The following PCLO variants were observed in gnomAD, a reference collection of about 807,000 sequenced individuals.
PCLO encodes protein piccolo.
Under a neutral mutation model 427.5 loss-of-function variants are expected in PCLO, and 82 were observed. That is an observed-to-expected ratio of 0.19 (90% confidence interval 0.16 to 0.23). PCLO has a LOEUF of 0.23. Ranked by LOEUF, PCLO falls within the 10% of genes least tolerant of loss-of-function variation. PCLO has a pLI of 1.00. For synonymous variants in PCLO, 2,357 were observed against 2,155.4 expected (o/e 1.09, Z -2.59); for missense variants, 6,239 against 6,115.9 (o/e 1.02, Z -0.67).
chr7:82,771,541 A>G (rs542001749), intron 22 of PCLO, among the ~76,000 whole-genome samples: 2 of 152,168 alleles, frequency 1.3e-5, no homozygotes, highest in South Asian at 4.1e-4. Context: ...GAAAAATAAC[A>G]TGTAAACTTC....
At position 82,771,766 on chromosome 7, in the gene PCLO, T is replaced by C. The variant is rs548834660; in HGVS notation, c.15008-10273A>G. Among the ~76,000 whole-genome samples the C allele has an allele frequency of 3.9e-5, 6 of 152,146 alleles. No individual in the cohort carries two copies. In the East Asian group the frequency reaches 9.6e-4, roughly 24 times the overall value. ...ATGTGTGTACTCCTAGGCGTGTATA[T>C]ATTGTGGAGACAGGAGTGGTTATTT... On this transcript the variant is annotated intron_variant, in intron 22 of 24. Transcript: ENST00000333891.
chr7:83,019,369 C>G (rs999782462), intron 3 of PCLO, among the ~76,000 whole-genome samples: 2 of 151,302 alleles, frequency 1.3e-5, no homozygotes, highest in African/African-American at 4.8e-5. Context: ...GTATGTAAAG[C>G]TTATATTTAA....
chr7:83,077,679 AG>A (rs553568012), intron 3 of PCLO, among the ~76,000 whole-genome samples: 61 of 152,244 alleles, frequency 4.0e-4, no homozygotes, highest in African/African-American at 1.4e-3. Flanking sequence ...TGTTAGTGCC[AG>A]GAGGCGTTCT....
chr7:83,013,637 C>T (rs921137468), intron 3 of PCLO, among the ~76,000 whole-genome samples: 1 of 152,012 alleles, frequency 6.6e-6, no homozygotes, highest in Non-Finnish European at 1.5e-5. Context: ...GTAGGGTAGC[C>T]CTGAAACTTC....
At chr7:83,083,013 G>A (rs1790141705) in intron 3 of PCLO, among the ~76,000 whole-genome samples, 1 of 151,540 alleles carries the variant, frequency 6.6e-6, no homozygotes, top group Non-Finnish European at 1.5e-5. Context: ...ATAAATCAGT[G>A]GGGACAAAAA....
rs763686994 is a variant in PCLO, at chr7:82,965,837, T to C, written c.3951A>G (p.Ile1317Met). 6.2e-7 allele frequency: 1 copy of C among 1,613,926 alleles called. No homozygotes were observed. The highest frequency in any genetic ancestry group is 1.7e-5 in the Admixed American group (1 of 60,016). ...TGCATGGTGGCTGTGGCTGTTCTTT[T>C]ATTGTTTTGGTTGTCTTATCATCTT... ...PKEDDKTTKT[I>M]KEQPQPPCTA... Residue 1317 changes from isoleucine (I) to methionine (M), a missense_variant, in exon 4 of 25, where the codon ATA becomes ATG. By Grantham distance (10) the Ile-to-Met change is conservative. This residue lies in a region of PCLO where 4,677 missense variants were observed against 4,468.4 expected (regional missense o/e 1.05). Transcript: ENST00000333891.
At chr7:82,852,033 A>G (rs1292277883) in intron 10 of PCLO, among the ~76,000 whole-genome samples, 1 of 152,124 alleles carries the variant, frequency 6.6e-6, no homozygotes, top group African/African-American at 2.4e-5. Context: ...GATGGAAGAA[A>G]GGAAAGAAGA....
At chr7:82,871,154 A>G (rs1462986071) in intron 10 of PCLO, among the ~76,000 whole-genome samples, 1 of 152,002 alleles carries the variant, frequency 6.6e-6, no homozygotes, top group African/African-American at 2.4e-5. Context: ...AGATACCTGC[A>G]CTCCCATGTC....
At chr7:82,875,334 A>G (rs992277369) in intron 10 of PCLO, among the ~76,000 whole-genome samples, 5 of 152,134 alleles carry the variant, frequency 3.3e-5, no homozygotes, top group Non-Finnish European at 7.4e-5. Context: ...TTTATTGAGT[A>G]TAATCTAATG....
At chr7:83,063,391 T>C (rs1789586695) in intron 3 of PCLO, among the ~76,000 whole-genome samples, 1 of 152,082 alleles carries the variant, frequency 6.6e-6, no homozygotes, top group African/African-American at 2.4e-5. Context: ...GACTTGTGAT[T>C]TTTGACTTAA....
chr7:82,832,412 C>T (rs140845488), intron 16 of PCLO, among the ~76,000 whole-genome samples: 2,682 of 151,556 alleles, frequency 0.018, 82 homozygotes, highest in African/African-American at 0.062. Context: ...CCACCATGCC[C>T]GGCTAATTTT....
intron 21 of PCLO, among the ~76,000 whole-genome samples, chr7:82,801,992 GT>G (rs1016209226): frequency 6.6e-6 from 1 of 151,484 alleles, no homozygotes; most frequent in African/African-American, 2.4e-5. Context: ...AGTTATTCCA[GT>G]TTTTTTGGTA....
intron 3 of PCLO, among the ~76,000 whole-genome samples, chr7:83,059,133 T>C (rs1789474906): frequency 6.6e-6 from 1 of 150,494 alleles, no homozygotes. Flanking sequence ...TAGTATATAC[T>C]ATATACTATA....
At position 82,896,053 on chromosome 7, in the gene PCLO, A is replaced by G. The variant is rs146085115; in HGVS notation, c.13528+6598T>C. Among the ~76,000 whole-genome samples, 107 of 152,048 alleles carry G rather than the reference A, an allele frequency of 7.0e-4. 1 individual carries two copies. The highest frequency in any genetic ancestry group is 1.3e-3 in the Non-Finnish European group (89 of 67,880). On this transcript the variant is annotated intron_variant, in intron 9 of 24. Coordinates refer to ENST00000333891, the MANE Select transcript of PCLO (RefSeq NM_033026.6). Reference sequence around the variant, plus strand: ...ATATCCACAAACAATTACTTAACAAAGCAAAGTAAATCATGAAAAATTGCT... The same window carrying G: ...ATATCCACAAACAATTACTTAACAAGGCAAAGTAAATCATGAAAAATTGCT...
rs1012482525 is a variant in PCLO at position 83,154,669 on chromosome 7, T to G, written c.1893+79A>C. The G allele has an allele frequency of 2.9e-6, 3 of 1,020,888 alleles. No individual in the cohort carries two copies. The African/African-American group carries it at 4.8e-5, about 16-fold the overall frequency. The allele number at this position is 1,020,888 out of a possible 1,614,324, so 63.2% of individuals were successfully genotyped here. On this transcript the variant is annotated intron_variant, in intron 2 of 24. Transcript: ENST00000333891. The stretch of plus-strand genomic sequence containing the variant: ...AGAAAGACAATGCCATCATGTCATA[T>G]ATGTGTTTAGTTAAGCATCATTTGT...
chr7:82,938,980 A>G (rs1238563228), intron 6 of PCLO, among the ~76,000 whole-genome samples: 1 of 152,096 alleles, frequency 6.6e-6, no homozygotes, highest in Non-Finnish European at 1.5e-5. Flanking sequence ...TAAATTAAAA[A>G]TAGTAAAATG....
At position 83,073,954 on chromosome 7, in the gene PCLO, C is replaced by A. The variant is rs182474791; in HGVS notation, c.3300+60296G>T. Among the ~76,000 whole-genome samples, 261 of 151,708 alleles carry A rather than the reference C, an allele frequency of 1.7e-3. 1 individual carries two copies. The highest frequency in any genetic ancestry group is 6.2e-3 in the African/African-American group (256 of 41,466). On this transcript the variant is annotated intron_variant, in intron 3 of 24. Transcript: ENST00000333891. ...TAGATATTTGTTTCTAAAACTTCTA[C>A]AATTAAATCTCAATACCATTTGGGG...
At chr7:82,892,506 CA>C (rs1279245667) in intron 9 of PCLO, among the ~76,000 whole-genome samples, 2 of 152,100 alleles carry the variant, frequency 1.3e-5, no homozygotes, top group African/African-American at 2.4e-5. Context: ...CCATTCAGGA[CA>C]TAGGCATGGG....
chr7:83,148,270 A>G (rs556048002), intron 2 of PCLO, among the ~76,000 whole-genome samples: 1 of 152,284 alleles, frequency 6.6e-6, no homozygotes, highest in East Asian at 1.9e-4. Flanking sequence ...TAATCACCCA[A>G]TAGAAGGGAG....
Sources: allele counts gnomAD v4.1 joint callset (sites outside exome capture counted in the v4.1 genomes callset), GRCh38; gene constraint gnomAD v4.1.1; regional missense constraint gnomAD v4.1.1; transcripts MANE v1.5; gene names NCBI Gene and HGNC (gene_info 2026-07-23, HGNC 2026-07-21).